STX18: variants seen among roughly 807,000 people sequenced by gnomAD.
The protein encoded by STX18 is syntaxin 18.
A neutral mutation model predicts 50.1 loss-of-function variants in STX18; 40 were observed. That is an observed-to-expected ratio of 0.80 (90% confidence interval 0.62 to 1.04). The LOEUF is 1.04. STX18 is among the 50% of genes least tolerant of loss of function. The pLI, the probability that STX18 is intolerant of heterozygous loss-of-function variation, is 0.00. For synonymous variants in STX18, 158 were observed against 151.8 expected (o/e 1.04, Z -0.30); for missense variants, 410 against 415.8 (o/e 0.99, Z 0.12).
chr4:4,429,296 G>C (rs941397594), intron 7 of STX18, among the ~76,000 whole-genome samples: 2 of 152,240 alleles, frequency 1.3e-5, no homozygotes, highest in Non-Finnish European at 2.9e-5. Context: ...AAGTCAGTTA[G>C]ACTTTCCAAT....
intron 2 of STX18, among the ~76,000 whole-genome samples, chr4:4,463,910 G>C (rs1487470406): frequency 6.6e-6 from 1 of 152,072 alleles, no homozygotes; most frequent in Non-Finnish European, 1.5e-5. Flanking sequence ...ATTGCCTATG[G>C]ATGTTAAGTG....
chr4:4,499,926 G>T (rs968827261), intron 1 of STX18, among the ~76,000 whole-genome samples: 2 of 151,416 alleles, frequency 1.3e-5, no homozygotes, highest in African/African-American at 4.9e-5. Flanking sequence ...TGACCCAACT[G>T]CTCATGTTCC....
intron 5 of STX18, among the ~76,000 whole-genome samples, chr4:4,444,002 G>T (rs1380630664): frequency 6.6e-6 from 1 of 151,828 alleles, no homozygotes; most frequent in South Asian, 2.1e-4. Context: ...CTTGTCTGAT[G>T]AGAGTATCTT....
At chr4:4,517,429 C>T (rs1263450481) in intron 1 of STX18, among the ~76,000 whole-genome samples, 1 of 152,142 alleles carries the variant, frequency 6.6e-6, no homozygotes, top group Non-Finnish European at 1.5e-5. Context: ...TGTGTTTTCA[C>T]ACAGAAGGAA....
intron 5 of STX18, among the ~76,000 whole-genome samples, chr4:4,441,082 G>A (rs1198035030): frequency 6.6e-6 from 1 of 152,208 alleles, no homozygotes; most frequent in Non-Finnish European, 1.5e-5. Flanking sequence ...GTGTGTTACT[G>A]GTGCATGGCA....
chr4:4,455,678 G>A (rs944256384), intron 5 of STX18, among the ~76,000 whole-genome samples: 10 of 152,160 alleles, frequency 6.6e-5, no homozygotes, highest in African/African-American at 9.7e-5. Context: ...CAGGTGTGAG[G>A]TGCCTATGTG....
At chr4:4,513,788 G>A (rs1372371582) in intron 1 of STX18, among the ~76,000 whole-genome samples, 1 of 152,106 alleles carries the variant, frequency 6.6e-6, no homozygotes, top group Non-Finnish European at 1.5e-5. Context: ...ATATCTCCTT[G>A]CTACTGCAGT....
intron 1 of STX18, among the ~76,000 whole-genome samples, chr4:4,480,432 G>A (rs531364612): frequency 9.2e-5 from 14 of 152,190 alleles, no homozygotes; most frequent in Admixed American, 2.0e-4. Context: ...ACTCCTATGC[G>A]TGAGGCTCTG....
chr4:4,419,685 A>G lies in STX18; in HGVS notation c.*349T>C. On this transcript the variant is annotated 3_prime_UTR_variant, in exon 11 of 11. Transcript: ENST00000306200. ...TCAGTGTCTTCCTTTGAACCCTGAG[A>G]CAATTAGGGGCTCTTGAGGCCTGCT... The G allele has an allele frequency of 5.0e-6, 1 of 199,036 alleles. No homozygotes were observed. The highest frequency in any genetic ancestry group is 1.0e-5 in the Non-Finnish European group (1 of 97,818). The allele number at this position is 199,036 out of a possible 1,614,324, so 12.3% of individuals were successfully genotyped here.
At chr4:4,542,201 T>C, upstream of STX18, 2 of 488,604 alleles carry the variant, frequency 4.1e-6, no homozygotes, top group Non-Finnish European at 7.1e-6. Context: ...CGGGCATCGG[T>C]TTCTCCCAGC....
chr4:4,430,925 G>C (rs1226841550), intron 7 of STX18, among the ~76,000 whole-genome samples: 1 of 152,200 alleles, frequency 6.6e-6, no homozygotes, highest in South Asian at 2.1e-4. Context: ...AGCCAACTCT[G>C]TCTAGTCCCA....
intron 1 of STX18, among the ~76,000 whole-genome samples, chr4:4,537,381 C>G (rs545997505): frequency 6.6e-6 from 1 of 152,296 alleles, no homozygotes; most frequent in East Asian, 1.9e-4. Context: ...CAGGGCACTG[C>G]CTTTTCCATG....
chr4:4,455,161 G>A (rs974259150), intron 5 of STX18, among the ~76,000 whole-genome samples: 5 of 152,196 alleles, frequency 3.3e-5, no homozygotes, highest in Admixed American at 6.5e-5. Flanking sequence ...TATGCCACTT[G>A]ATCGTACCAT....
chr4:4,492,317 CTT>C (rs1462256937), intron 1 of STX18, among the ~76,000 whole-genome samples: 1 of 152,052 alleles, frequency 6.6e-6, no homozygotes, highest in Non-Finnish European at 1.5e-5. Flanking sequence ...AGGTGGTACT[CTT>C]TGTGATAAAT....
chr4:4,520,425 C>T (rs1255835577), intron 1 of STX18, among the ~76,000 whole-genome samples: 1 of 152,136 alleles, frequency 6.6e-6, no homozygotes, highest in Non-Finnish European at 1.5e-5. Flanking sequence ...AAGTTGAAGA[C>T]ATGAAATGTG....
rs1370609188 is a variant in STX18, at chr4:4,496,926, TTCATA to T, written c.169-25225_169-25221del. ...CTTTCAAGGAGGTGGGGAGAACTCC[TTCATA>T]AGGCCAGGACAAACTAGCCTGCATC... On this transcript the variant is annotated intron_variant, in intron 1 of 10. Coordinates refer to ENST00000306200, the MANE Select transcript of STX18 (RefSeq NM_016930.4). 7.9e-5 allele frequency among the ~76,000 whole-genome samples: 12 copies of T among 152,328 alleles called. No individual in the cohort carries two copies. In the East Asian group the frequency reaches 2.3e-3, roughly 29 times the overall value.
chr4:4,507,381 C>T, intron 1 of STX18: 1 of 755,668 alleles, frequency 1.3e-6, no homozygotes, highest in Non-Finnish European at 2.5e-6. Context: ...AGAAAGCTAT[C>T]ACAATCTTTG....
At chr4:4,492,320 T>C (rs116996835) in intron 1 of STX18, among the ~76,000 whole-genome samples, 1 of 152,162 alleles carries the variant, frequency 6.6e-6, no homozygotes. Flanking sequence ...TGGTACTCTT[T>C]GTGATAAATG....
chr4:4,501,680 C>T (rs2108879248), intron 1 of STX18, among the ~76,000 whole-genome samples: 1 of 152,330 alleles, frequency 6.6e-6, no homozygotes, highest in East Asian at 1.9e-4. Context: ...TCACTTAAAG[C>T]TGTTCAGCTG....
Sources: allele counts gnomAD v4.1 joint callset (sites outside exome capture counted in the v4.1 genomes callset), GRCh38; gene constraint gnomAD v4.1.1; transcripts MANE v1.5; gene names NCBI Gene and HGNC (gene_info 2026-07-23, HGNC 2026-07-21).